The following ANKRD7 variants were observed in gnomAD, a reference collection of about 807,000 sequenced individuals.
ANKRD7 encodes the protein ankyrin repeat domain-containing protein 7.
ANKRD7 carries 30 observed loss-of-function variants against 30.8 expected under a neutral mutation model. That is an observed-to-expected ratio of 0.97 (90% CI 0.73 to 1.32). The LOEUF is 1.32. Ranked by LOEUF, ANKRD7 falls within the 40% of genes most tolerant of loss-of-function variation. The pLI is 0.00. For missense variants in ANKRD7, 264 were observed against 295.7 expected (o/e 0.89, Z 0.79); for synonymous variants, 97 against 106.6 (o/e 0.91, Z 0.55).
intron 1 of ANKRD7, chr7:118,227,875 A>G: frequency 7.5e-7 from 1 of 1,340,546 alleles, no homozygotes; most frequent in Non-Finnish European, 9.8e-7. Flanking sequence ...TAGGAAAAGG[A>G]TTTGTATTTA....
intron 5 of ANKRD7, among the ~76,000 whole-genome samples, chr7:118,238,235 C>T (rs887320020): frequency 6.6e-6 from 1 of 151,876 alleles, no homozygotes; most frequent in Non-Finnish European, 1.5e-5. Context: ...ACATATTGAC[C>T]ATGAAGTTTT....
At chr7:118,227,259 C>G (rs917226782) in intron 1 of ANKRD7, among the ~76,000 whole-genome samples, 1 of 152,068 alleles carries the variant, frequency 6.6e-6, no homozygotes, top group African/African-American at 2.4e-5. Flanking sequence ...AATTTTATCT[C>G]CCCCCAAACT....
rs748507966 is a variant in ANKRD7 at position 118,224,837 on chromosome 7, A to C, written c.7A>C (p.Lys3Gln). Residue 3 changes from lysine (K) to glutamine (Q), a missense_variant, in exon 1 of 7, where the codon AAG becomes CAG. Physicochemically the swap from Lys to Gln is moderately conservative, Grantham distance 53 (BLOSUM62 1). Coordinates refer to ENST00000265224, the MANE Select transcript of ANKRD7 (RefSeq NM_019644.4). ...GGCTGCAGCCTGCACCGCCATGAATAAGCTTTTCAGCTTCTGGAAGAGGAA... is the reference window on the plus strand; with the variant it reads ...GGCTGCAGCCTGCACCGCCATGAATCAGCTTTTCAGCTTCTGGAAGAGGAA... Reference protein sequence around the residue: MNKLFSFWKRKNE... With the variant: MNQLFSFWKRKNE... The C allele has an allele frequency of 8.1e-6, 13 of 1,612,456 alleles. No individual in the cohort carries two copies. The highest frequency in any genetic ancestry group is 6.8e-6 in the Non-Finnish European group (8 of 1,179,562).
chr7:118,225,953 G>A (rs557958158), intron 1 of ANKRD7, among the ~76,000 whole-genome samples: 12 of 152,236 alleles, frequency 7.9e-5, no homozygotes, highest in East Asian at 7.7e-4. Flanking sequence ...TGAATAAGCC[G>A]TACTATTCAT....
At chr7:118,236,747 T>G in intron 4 of ANKRD7, 43 bp from the exon 5 acceptor site, 1 of 1,587,946 alleles carries the variant, frequency 6.3e-7, no homozygotes, top group Non-Finnish European at 8.6e-7. Flanking sequence ...TTAGGCATGT[T>G]TAAGATCTTT....
In ANKRD7 at chr7:118,234,776, C is replaced by T. The variant is rs374194422; in HGVS notation, c.370C>T (p.Arg124Cys). Reference sequence around the variant, plus strand: ...TGCAGACCCAGATCTGAGGGATATTCGTTATAATACTGTTCTTCACTATGC... The same window carrying T: ...TGCAGACCCAGATCTGAGGGATATTTGTTATAATACTGTTCTTCACTATGC... ...FGADPDLRDIRYNTVLHYAVC... is the reference protein window; with the variant it reads ...FGADPDLRDICYNTVLHYAVC... Residue 124 changes from arginine (R) to cysteine (C), a missense_variant, in exon 3 of 7, where the codon CGT becomes TGT. Transcript: ENST00000265224. The T allele has an allele frequency of 2.5e-5, 41 of 1,612,696 alleles. No individual in the cohort carries two copies. The highest frequency in any genetic ancestry group is 4.5e-5 in the East Asian group (2 of 44,796).
intron 1 of ANKRD7, among the ~76,000 whole-genome samples, chr7:118,227,520 G>C (rs1165514921): frequency 6.6e-6 from 1 of 152,170 alleles, no homozygotes; most frequent in Non-Finnish European, 1.5e-5. Flanking sequence ...TTTCACAAAG[G>C]GAGTTTGTCC....
chr7:118,241,521 C>CTTTTTTTTT (rs3061682), intron 6 of ANKRD7, among the ~76,000 whole-genome samples: 5,835 of 84,374 alleles, frequency 0.069, 848 homozygotes, highest in Non-Finnish European at 0.082. Flanking sequence ...TCTGAATTAC[C>CTTTTTTTTT]TTTTTTTTTT....
intron 1 of ANKRD7, among the ~76,000 whole-genome samples, chr7:118,225,751 TGAA>T (rs1349778196): frequency 6.6e-6 from 1 of 152,186 alleles, no homozygotes; most frequent in Non-Finnish European, 1.5e-5. Context: ...TTAAATTTTT[TGAA>T]GAAGAAGCTT....
chr7:118,225,538 C>G (rs1045030953), intron 1 of ANKRD7, among the ~76,000 whole-genome samples: 1 of 151,914 alleles, frequency 6.6e-6, no homozygotes, highest in African/African-American at 2.4e-5. Flanking sequence ...CTTCCTGAAT[C>G]CATCCTCTCC....
chr7:118,234,812 CAA>C lies in ANKRD7; in HGVS notation c.408_409del (p.Ser137PhefsTer5), dbSNP rs1809700364. On this transcript the variant is annotated frameshift_variant, in exon 3 of 7. Coordinates refer to ENST00000265224, the MANE Select transcript of ANKRD7 (RefSeq NM_019644.4). LOFTEE classifies it high-confidence loss of function. Reference protein sequence around the residue: ...NTVLHYAVCGQSLSLVEKLLE... With the variant: ...NTVLHYAVCGXSLSLVEKLLE... ...TGTTCTTCACTATGCTGTTTGTGGTCAAAGTTTGTCATTAGTTGAAAAACTGC... is the reference window on the plus strand; with the variant it reads ...TGTTCTTCACTATGCTGTTTGTGGTCAGTTTGTCATTAGTTGAAAAACTGC... The C allele has an allele frequency of 6.2e-7, 1 of 1,611,840 alleles. No individual in the cohort carries two copies. Among genetic ancestry groups the C allele is most frequent in the East Asian group, 2.2e-5 (1 of 44,738 alleles).
intron 1 of ANKRD7, chr7:118,227,784 A>G: frequency 1.1e-6 from 1 of 935,262 alleles, no homozygotes. Context: ...GCTGCCTTAA[A>G]ATATTTTTGG....
chr7:118,240,138 A>G (rs1809802538), intron 6 of ANKRD7, 140 bp downstream of exon 6: 1 of 289,210 alleles, frequency 3.5e-6, no homozygotes, highest in Non-Finnish European at 6.1e-6. Context: ...AAATATTTTT[A>G]AGAACTATTC....
intron 1 of ANKRD7, among the ~76,000 whole-genome samples, chr7:118,226,978 G>A (rs1395325147): frequency 6.6e-6 from 1 of 152,132 alleles, no homozygotes; most frequent in Non-Finnish European, 1.5e-5. Flanking sequence ...TACACTTAAA[G>A]TATTTATAGA....
chr7:118,226,595 C>A (rs1443044041), intron 1 of ANKRD7, among the ~76,000 whole-genome samples: 4 of 152,094 alleles, frequency 2.6e-5, no homozygotes, highest in Non-Finnish European at 5.9e-5. Flanking sequence ...TGAAGTGGAT[C>A]ATCATAAAGT....
Position 118,236,122 on chromosome 7 carries a change from G to T in ANKRD7, c.550G>T (p.Val184Leu). The change falls in exon 4 of 7, where the codon GTG becomes TTG. Residue 184 changes from valine to leucine, a missense_variant. Physicochemically the swap from Val to Leu is conservative, Grantham distance 32. Transcript: ENST00000265224. ...VKFLLEKGAD[V>L]NASDNYQRTA... is the part of the protein sequence containing the mutation. ...ATTTCTTCTGGAGAAAGGGGCTGAT[G>T]TGAATGCTTCAGATAATTATCAAAG... is the stretch of plus-strand genomic sequence containing the variant. The T allele has an allele frequency of 6.3e-7, 1 of 1,598,290 alleles. No individual in the cohort carries two copies.
rs780319646 is a variant in ANKRD7, at chr7:118,236,945, C to T, written c.712+19C>T. 1.2e-6 allele frequency: 2 copies of T among 1,611,368 alleles called. No homozygotes were observed. Among genetic ancestry groups the T allele is most frequent in the East Asian group, 4.5e-5 (2 of 44,826 alleles). ...TTACTGCGTAAGTGATACTGCATGT[C>T]TTTTAACAACTGTATGGGGTTTGAT... On this transcript the variant is annotated intron_variant, in intron 5 of 6. Coordinates refer to ENST00000265224, the MANE Select transcript of ANKRD7 (RefSeq NM_019644.4).
rs964796402 is a variant in ANKRD7 at position 118,225,022 on chromosome 7, A to C, written c.179+13A>C. 6.2e-7 allele frequency: 1 copy of C among 1,613,068 alleles called. No homozygotes were observed. The highest frequency in any genetic ancestry group is 1.3e-5 in the African/African-American group (1 of 74,824). On this transcript the variant is annotated intron_variant, in intron 1 of 6. Transcript: ENST00000265224. ...ACAAAAAATACAGGTGACCAGACTG[A>C]AGAGCCAGCGCGGGAGGACGGGTTG...
intron 2 of ANKRD7, 27 bp downstream of exon 2, chr7:118,234,572 T>A: frequency 6.3e-7 from 1 of 1,581,384 alleles, no homozygotes; most frequent in Non-Finnish European, 8.6e-7. Flanking sequence ...CTTTTTCAAT[T>A]GGAATGTGTT....
Sources: allele counts gnomAD v4.1 joint callset (sites outside exome capture counted in the v4.1 genomes callset), GRCh38; gene constraint gnomAD v4.1.1; transcripts MANE v1.5; gene names NCBI Gene and HGNC (gene_info 2026-07-23, HGNC 2026-07-21).